Variants in ARHGEF25 observed in about 807,000 individuals in gnomAD.
The protein encoded by ARHGEF25 is Rho guanine nucleotide exchange factor 25.
Under a neutral mutation model 74.0 loss-of-function variants are expected in ARHGEF25, and 42 were observed. The observed-to-expected ratio is 0.57, with a 90% CI of 0.44 to 0.73. The LOEUF is 0.73. ARHGEF25 is among the 30% of genes least tolerant of loss of function. The pLI is 0.00. For missense variants in ARHGEF25, 645 were observed against 725.5 expected (o/e 0.89, Z 1.27); for synonymous variants, 293 against 278.6 (o/e 1.05, Z -0.51).
chr12:57,610,315 G>T (rs1464827829), upstream of ARHGEF25: 35 of 1,517,942 alleles, frequency 2.3e-5, no homozygotes, highest in Non-Finnish European at 3.0e-5. Flanking sequence ...GGCAGGAGGG[G>T]GTAAGAATGG....
At chr12:57,612,310 G>A (rs1884088990) in intron 1 of ARHGEF25, 2 of 175,464 alleles carry the variant, frequency 1.1e-5, no homozygotes, top group Non-Finnish European at 2.4e-5. Flanking sequence ...TCTGAAGAGG[G>A]ACAGGAGAAT....
At position 57,615,444 on chromosome 12, in the gene ARHGEF25, G is replaced by A. The variant is rs1884240338; in HGVS notation, c.1039-68G>A. On this transcript the variant is annotated intron_variant, in intron 11 of 14. Transcript: ENST00000286494. ...TGGTTGGTTGGGCATGTCAGGCGAG[G>A]AAGGGAGGAGCAGAGAATTGTCCTT... The A allele has an allele frequency of 6.2e-6, 10 of 1,604,930 alleles. No individual in the cohort carries two copies. The Middle Eastern group carries it at 6.6e-4, about 106-fold the overall frequency.
Position 57,611,899 on chromosome 12 carries a change from G to T in ARHGEF25, c.5G>T (p.Arg2Leu), listed in dbSNP as rs60586224. Residue 2 changes from arginine to leucine, a missense_variant, in exon 1 of 15, where the codon CGG (arginine) becomes CTG (leucine). Arg to Leu is a moderately radical substitution (Grantham distance 102, BLOSUM62 -2). Around this residue, in one of 3 missense-constraint regions of ARHGEF25, gnomAD observed 189 missense variants for 199.1 expected, o/e 0.95. Coordinates refer to ENST00000286494, the MANE Select transcript of ARHGEF25 (RefSeq NM_182947.4). This position sits in a 1 kb window ranked among gnomAD's most constrained non-coding sequence, Gnocchi z 4.5. The stretch of plus-strand genomic sequence containing the variant: ...GCGCGGGGGGGCCCGGGCGCCATGC[G>T]GGGGGGGCACAAAGGGGGTCGCTGT... Reference protein sequence around the residue: MRGGHKGGRCAC... With the variant: MLGGHKGGRCAC... 4 of 1,223,292 alleles carry T rather than the reference G, an allele frequency of 3.3e-6. No homozygotes were observed. The highest frequency in any genetic ancestry group is 4.2e-6 in the Non-Finnish European group (4 of 951,108). 75.8% of individuals were successfully genotyped at this position (1,223,292 alleles called of 1,614,324 possible).
Position 57,615,712 on chromosome 12 carries a change from G to A in ARHGEF25, c.1239G>A (p.Lys413=). ...QPGYVYKNSI[K]VSCLGLEGNL... ...GATATGTATACAAGAACAGCATTAAGGTGGGGAGAAGGCCACGAGGGAGGG... is the reference window on the plus strand; with the variant it reads ...GATATGTATACAAGAACAGCATTAAAGTGGGGAGAAGGCCACGAGGGAGGG... Residue 413 remains lysine (K), a splice_region_variant and synonymous_variant, in exon 12 of 15, where the codon AAG becomes AAA. Coordinates refer to ENST00000286494, the MANE Select transcript of ARHGEF25 (RefSeq NM_182947.4). The A allele has an allele frequency of 1.2e-6, 2 of 1,614,192 alleles. No homozygotes were observed. Among genetic ancestry groups the A allele is most frequent in the Non-Finnish European group, 1.7e-6 (2 of 1,180,036 alleles).
In ARHGEF25 at chr12:57,614,790, C is replaced by T. The variant is rs773067985; in HGVS notation, c.909+9C>T. ...ACCAGCTGCTGCTCAAGGTCAGGAC[C>T]CCCTTTTTCCTGGGGGCACAGCTGG... On this transcript the variant is annotated intron_variant, in intron 9 of 14. Transcript: ENST00000286494. The surrounding 1 kb of genome is among the most constrained non-coding windows in gnomAD (Gnocchi z 4.6). The T allele has an allele frequency of 1.9e-6, 3 of 1,602,980 alleles. No homozygotes were observed. The highest frequency in any genetic ancestry group is 1.7e-5 in the Admixed American group (1 of 59,042).
At chr12:57,612,122 G>GGGACC in intron 1 of ARHGEF25, 131 bp downstream of exon 1, 1 of 699,274 alleles carries the variant, frequency 1.4e-6, no homozygotes, top group Non-Finnish European at 2.0e-6. Flanking sequence ...GGTTTCTTAA[G>GGGACC]TGATCCCTAA....
At chr12:57,616,183 T>A in intron 13 of ARHGEF25, 101 bp from the exon 14 acceptor site, 2 of 1,459,130 alleles carry the variant, frequency 1.4e-6, no homozygotes, top group Non-Finnish European at 9.3e-7. Flanking sequence ...CAATTGACAT[T>A]GGCTGACAGG....
chr12:57,616,606 C>A, intron 14 of ARHGEF25, 111 bp downstream of exon 14: 3 of 1,109,422 alleles, frequency 2.7e-6, no homozygotes, highest in South Asian at 3.0e-5. Context: ...CTGGTCCTTC[C>A]TACTTCCCAT....
Position 57,616,436 on chromosome 12 carries a change from T to A in ARHGEF25, c.1573T>A (p.Ser525Thr). The A allele has an allele frequency of 1.2e-6, 2 of 1,614,124 alleles. No individual in the cohort carries two copies. The highest frequency in any genetic ancestry group is 1.7e-4 in the Middle Eastern group (1 of 6,060). ...CACACCCATCAATGGCTCTCTCCCC[T>A]CTCTGCTGCTGTCACCCAAAGGGGA... ...THTPINGSLP[S>T]LLLSPKGEVA... The change falls in exon 14 of 15, where the codon TCT becomes ACT. Residue 525 changes from serine to threonine, a missense_variant. Physicochemically the swap from Ser to Thr is moderately conservative, Grantham distance 58. This residue lies in a region of ARHGEF25 where 262 missense variants were observed against 256.9 expected (regional missense o/e 1.02). Transcript: ENST00000286494.
chr12:57,610,298 C>A, upstream of ARHGEF25: 2 of 1,551,470 alleles, frequency 1.3e-6, no homozygotes, highest in South Asian at 1.2e-5. Flanking sequence ...CGCATGCGCC[C>A]TCCCTGGGCA....
chr12:57,611,446 C>T lies in ARHGEF25; in HGVS notation c.-449C>T. 1 of 985,388 alleles carries T rather than the reference C, an allele frequency of 1.0e-6. No individual in the cohort carries two copies. Among genetic ancestry groups the T allele is most frequent in the Non-Finnish European group, 1.2e-6 (1 of 830,006 alleles). 61.0% of individuals were successfully genotyped at this position (985,388 alleles called of 1,614,324 possible). A position where few individuals can be genotyped will look rare whatever the true frequency, so the allele number is the denominator to read the frequency against. On this transcript the variant is annotated 5_prime_UTR_variant, in exon 1 of 15. Coordinates refer to ENST00000286494, the MANE Select transcript of ARHGEF25 (RefSeq NM_182947.4). This position sits in a 1 kb window ranked among gnomAD's most constrained non-coding sequence, Gnocchi z 4.5. ...CGGCCAGGCCTGTTATTCAGCTCTC[C>T]GCTCCGCTGGGACCCGCACAGCGCC...
intron 10 of ARHGEF25, 109 bp downstream of exon 10, chr12:57,615,126 G>T: frequency 6.4e-7 from 1 of 1,562,980 alleles, no homozygotes; most frequent in Admixed American, 1.8e-5. Context: ...TTTTTAGGGG[G>T]AGGCTGGTTG....
Position 57,615,867 on chromosome 12 carries a change from C to G in ARHGEF25, c.1270C>G (p.Gln424Glu), listed in dbSNP as rs565885022. 1.9e-6 allele frequency: 3 copies of G among 1,613,980 alleles called. No individual in the cohort carries two copies. The Admixed American group carries it at 5.0e-5, about 27-fold the overall frequency. The change falls in exon 13 of 15, where the codon CAA (glutamine) becomes GAA (glutamate). Residue 424 changes from glutamine to glutamate, a missense_variant. Gln to Glu is a conservative substitution (Grantham distance 29, BLOSUM62 2). Transcript: ENST00000286494. ...VSCLGLEGNL[Q>E]GDPCRFALTS... ...CTGCCTGGGACTGGAGGGGAACCTC[C>G]AAGGTGACCCTTGCCGCTTTGCACT...
chr12:57,612,427 C>T (rs1370139967), intron 1 of ARHGEF25: 2 of 160,794 alleles, frequency 1.2e-5, no homozygotes, highest in Non-Finnish European at 2.7e-5. Context: ...CCTCACTGGC[C>T]TCCTCTATTG....
In ARHGEF25 at chr12:57,616,381, G is replaced by T. The variant is rs766612522; in HGVS notation, c.1518G>T (p.Gln506His). The T allele has an allele frequency of 6.2e-7, 1 of 1,614,118 alleles. No homozygotes were observed. Among genetic ancestry groups the T allele is most frequent in the South Asian group, 1.1e-5 (1 of 91,074 alleles). ...GAGTGGGGAGCCCTGGAAGAATTCAGCTTGGAGATCAGGCCCAGGGCAGCA... is the reference window on the plus strand; with the variant it reads ...GAGTGGGGAGCCCTGGAAGAATTCATCTTGGAGATCAGGCCCAGGGCAGCA... ...GPGVGSPGRIQLGDQAQGSTH... is the reference protein window; with the variant it reads ...GPGVGSPGRIHLGDQAQGSTH... The change falls in exon 14 of 15, where the codon CAG (glutamine) becomes CAT (histidine). Residue 506 changes from glutamine to histidine, a missense_variant. Gln to His is a conservative substitution (Grantham distance 24). Transcript: ENST00000286494.
At chr12:57,611,333 C>T (rs1884029750), upstream of ARHGEF25, 1 of 581,314 alleles carries the variant, frequency 1.7e-6, no homozygotes, top group Non-Finnish European at 2.1e-6. The surrounding 1 kb of genome is among the most constrained non-coding windows in gnomAD (Gnocchi z 4.5). Context: ...GAGGGGCGAT[C>T]GGGGCGGGAA....
At chr12:57,610,654 C>T (rs1460900232), upstream of ARHGEF25, 3 of 1,611,498 alleles carry the variant, frequency 1.9e-6, no homozygotes, top group African/African-American at 4.0e-5. Flanking sequence ...GGATCGCGAA[C>T]ATGAGGTCCT....
At position 57,613,859 on chromosome 12, in the gene ARHGEF25, C is replaced by G; in HGVS notation, c.552+99C>G. ...CTGGGCGCTCCTCTGTCCCACCTCT[C>G]AAGCCTCCCCACTCCTGGACCTTCC... On this transcript the variant is annotated intron_variant, in intron 5 of 14. Coordinates refer to ENST00000286494, the MANE Select transcript of ARHGEF25 (RefSeq NM_182947.4). 4 of 1,515,166 alleles carry G rather than the reference C, an allele frequency of 2.6e-6. No individual in the cohort carries two copies. In the Admixed American group the frequency reaches 5.5e-5, roughly 21 times the overall value. 93.9% of individuals were successfully genotyped at this position (1,515,166 alleles called of 1,614,324 possible).
chr12:57,615,398 C>A, intron 11 of ARHGEF25, 84 bp downstream of exon 11: 1 of 1,582,638 alleles, frequency 6.3e-7, no homozygotes. Context: ...GGGGAGTTGT[C>A]TTCTCCTGGG....
Sources: allele counts gnomAD v4.1 joint callset, GRCh38; gene constraint gnomAD v4.1.1; regional missense constraint gnomAD v4.1.1; non-coding constraint Gnocchi (gnomAD v3.1); transcripts MANE v1.5; gene names NCBI Gene and HGNC (gene_info 2026-07-23, HGNC 2026-07-21).